AMELX: variants seen among roughly 807,000 people sequenced by gnomAD.
AMELX encodes the protein amelogenin X-linked, also known as amelogenin, X isoform.
AMELX carries 9 observed loss-of-function variants against 15.8 expected under a neutral mutation model. The observed-to-expected ratio is 0.57, with a 90% CI of 0.34 to 0.99. AMELX has a LOEUF of 0.99. AMELX is among the 50% of genes least tolerant of loss of function. The probability of loss-of-function intolerance (pLI) is 0.02; values close to 1 mark genes in which losing one functional copy is unlikely to be tolerated. For missense variants in AMELX, 107 were observed against 156.2 expected (o/e 0.68, Z 1.68); for synonymous variants, 61 against 58.8 (o/e 1.04, Z -0.17).
Position 11,294,822 on chromosome X carries a change from G to A in AMELX, c.34G>A (p.Gly12Arg), listed in dbSNP as rs1020946655. The change falls in exon 2 of 6, where the codon GGA (glycine) becomes AGA (arginine). Residue 12 changes from glycine (G) to arginine (R), a missense_variant. By Grantham distance (125) the Gly-to-Arg change is moderately radical. Coordinates refer to ENST00000380714, the MANE Select transcript of AMELX (RefSeq NM_001142.2). Reference sequence around the variant, plus strand: ...CTGGATTTTATTTGCCTGCCTCCTGGGAGCAGCTTTTGCCATGCCTGTGAG... The same window carrying A: ...CTGGATTTTATTTGCCTGCCTCCTGAGAGCAGCTTTTGCCATGCCTGTGAG... ...GTWILFACLL[G>R]AAFAMPLPPH... is the part of the protein sequence containing the mutation. 4 of 1,211,602 alleles carry A rather than the reference G, an allele frequency of 3.3e-6. No homozygotes were observed. The highest frequency in any genetic ancestry group is 4.5e-6 in the Non-Finnish European group (4 of 895,418).
At chrX:11,302,970 A>G (rs779847170), downstream of AMELX, among the ~76,000 whole-genome samples, 1 of 112,640 alleles carries the variant, frequency 8.9e-6, no homozygotes, top group East Asian at 2.8e-4. Flanking sequence ...AGCTGAAAAT[A>G]CCAAGACTGA....
chrX:11,296,309 G>A (rs756541454), intron 2 of AMELX, among the ~76,000 whole-genome samples: 68 of 112,184 alleles, frequency 6.1e-4, no homozygotes, highest in Non-Finnish European at 9.6e-4. Context: ...GGGAACATTC[G>A]TGAGACAATT....
intron 5 of AMELX, among the ~76,000 whole-genome samples, chrX:11,299,579 A>G (rs1490588520): frequency 2.7e-5 from 3 of 112,389 alleles, no homozygotes; most frequent in Non-Finnish European, 5.6e-5. Flanking sequence ...AGTTACTGCA[A>G]TTTAGCACTA....
downstream of AMELX, among the ~76,000 whole-genome samples, chrX:11,301,245 T>C (rs1166256608): frequency 2.7e-5 from 3 of 112,220 alleles, no homozygotes; most frequent in Admixed American, 2.8e-4. Flanking sequence ...TTTAAAGTTA[T>C]TCAAGTAATT....
chrX:11,305,799 C>G, the AMELX span, among the ~76,000 whole-genome samples: 1 of 111,543 alleles, frequency 9.0e-6, no homozygotes, highest in African/African-American at 3.3e-5. Flanking sequence ...CCACCACTCT[C>G]CAAAAGAATG....
At chrX:11,301,717 T>G (rs867004694), downstream of AMELX, among the ~76,000 whole-genome samples, 1 of 112,061 alleles carries the variant, frequency 8.9e-6, no homozygotes, top group Admixed American at 9.5e-5. Flanking sequence ...TTAAGCACAC[T>G]CTAGGGCAAG....
At chrX:11,302,747 T>G (rs904695579), downstream of AMELX, among the ~76,000 whole-genome samples, 1 of 110,470 alleles carries the variant, frequency 9.1e-6, no homozygotes, top group African/African-American at 3.3e-5. Flanking sequence ...TTACAATCAT[T>G]TAGAGAATGA....
downstream of AMELX, among the ~76,000 whole-genome samples, chrX:11,301,364 T>G (rs977855074): frequency 8.9e-6 from 1 of 112,381 alleles, no homozygotes; most frequent in Non-Finnish European, 1.9e-5. Flanking sequence ...TTGTACTGTA[T>G]AGTCTTCAAA....
At chrX:11,296,082 C>T (rs746796533) in intron 2 of AMELX, among the ~76,000 whole-genome samples, 43 of 112,071 alleles carry the variant, frequency 3.8e-4, no homozygotes, top group South Asian at 1.1e-3. Flanking sequence ...AAAAAAAGAT[C>T]GGCCTAAACG....
In AMELX at chrX:11,298,695, C is replaced by T; in HGVS notation, c.292C>T (p.Gln98Ter). 1 of 1,211,313 alleles carries T rather than the reference C, an allele frequency of 8.3e-7. No homozygotes were observed. Among genetic ancestry groups the T allele is most frequent in the Non-Finnish European group, 1.1e-6 (1 of 895,442 alleles). Residue 98 changes from glutamine (Q) to a stop codon, truncating the protein, a stop_gained, in exon 5 of 6, where the codon CAA becomes TAA. Coordinates refer to ENST00000380714, the MANE Select transcript of AMELX (RefSeq NM_001142.2). LOFTEE classifies it high-confidence loss of function. The stretch of plus-strand genomic sequence containing the variant: ...AGCTCAGCAGCCCGTGATCCCCCAG[C>T]AACCAATGATGCCCGTTCCTGGCCA... ...VPAQQPVIPQ[Q>*]PMMPVPGQHS...
intron 4 of AMELX, 107 bp downstream of exon 4, chrX:11,298,384 A>T: frequency 8.9e-7 from 1 of 1,124,386 alleles, no homozygotes; most frequent in Non-Finnish European, 1.2e-6. Flanking sequence ...ATTAATGGGA[A>T]ATTTAGTTTG....
the AMELX span, among the ~76,000 whole-genome samples, chrX:11,308,425 A>C: frequency 8.9e-6 from 1 of 111,768 alleles, no homozygotes; most frequent in Non-Finnish European, 1.9e-5. Flanking sequence ...ACAAAACCAA[A>C]GTTTTCTGAA....
At chrX:11,308,585 C>A in the AMELX span, among the ~76,000 whole-genome samples, 2 of 111,014 alleles carry the variant, frequency 1.8e-5, no homozygotes, top group African/African-American at 6.6e-5. Context: ...TGCCCTTGTC[C>A]CCAGTCGTCA....
At chrX:11,297,963 C>A (rs773812418) in intron 3 of AMELX, 73 of 623,304 alleles carry the variant, frequency 1.2e-4, no homozygotes, top group South Asian at 2.5e-4. Flanking sequence ...CTCCCCATAA[C>A]CTTATCTAAA....
Position 11,298,625 on chromosome X carries a change from C to A in AMELX, c.222C>A (p.Pro74=), listed in dbSNP as rs778441921. Residue 74 remains proline (P), a synonymous_variant, in exon 5 of 6, where the codon CCC becomes CCA. Transcript: ENST00000380714. ...QIIPVLSQQH[P]PTHTLQPHHH... ...TCCCCGTGCTGTCCCAACAGCACCC[C>A]CCGACTCACACCCTGCAGCCTCATC... The A allele has an allele frequency of 1.5e-5, 18 of 1,208,361 alleles. No homozygotes were observed. Among genetic ancestry groups the A allele is most frequent in the Non-Finnish European group, 1.9e-5 (17 of 894,876 alleles).
chrX:11,296,914 C>A, intron 3 of AMELX, 88 bp downstream of exon 3: 2 of 1,090,708 alleles, frequency 1.8e-6, no homozygotes, highest in Non-Finnish European at 2.5e-6. Context: ...TTCTTTATCC[C>A]AGATGTTTCT....
chrX:11,299,428 C>T (rs6654939), intron 5 of AMELX, among the ~76,000 whole-genome samples: 7,215 of 111,464 alleles, frequency 0.065, 318 homozygotes, highest in African/African-American at 0.16. Flanking sequence ...AAAAGGTAGA[C>T]GGGAAATCTC....
chrX:11,301,074 A>C (rs2048168408), downstream of AMELX, among the ~76,000 whole-genome samples: 1 of 112,104 alleles, frequency 8.9e-6, no homozygotes. Context: ...TAAGAAAGAT[A>C]AACTTTTGAA....
rs754573529 is a variant in AMELX at position 11,298,546 on chromosome X, A to G, written c.145-2A>G. The G allele has an allele frequency of 3.3e-6, 4 of 1,211,395 alleles. No individual in the cohort carries two copies. The highest frequency in any genetic ancestry group is 4.5e-6 in the Non-Finnish European group (4 of 895,448). ...TAAACCTGCCTCTCTGTTTCTCACC[A>G]GTACCCTTCCTATGGTTACGAGCCC... On this transcript the variant is annotated splice_acceptor_variant, in intron 4 of 5. Transcript: ENST00000380714. LOFTEE classifies it high-confidence loss of function.
Sources: allele counts gnomAD v4.1 joint callset (sites outside exome capture counted in the v4.1 genomes callset), GRCh38; gene constraint gnomAD v4.1.1; transcripts MANE v1.5; gene names NCBI Gene and HGNC (gene_info 2026-07-23, HGNC 2026-07-21).